The following PCDH15 variants were observed in gnomAD, a reference collection of about 807,000 sequenced individuals.
The protein encoded by PCDH15 is protocadherin related 15, also known as protocadherin-15.
PCDH15 carries 129 observed loss-of-function variants against 178.5 expected under a neutral mutation model. That is an observed-to-expected ratio of 0.72 (90% CI 0.63 to 0.84). The LOEUF (loss-of-function observed/expected upper bound fraction) is 0.84. Among genes scored for constraint, PCDH15 ranks in the 40% least tolerant of loss-of-function variants. The pLI is 0.00. For synonymous variants in PCDH15, 800 were observed against 732.0 expected (o/e 1.09, Z -1.50); for missense variants, 2,230 against 2,099.9 (o/e 1.06, Z -1.21).
chr10:54,235,318 A>G, intron 9 of PCDH15, among the ~76,000 whole-genome samples: 1 of 152,238 alleles, frequency 6.6e-6, no homozygotes, highest in East Asian at 1.9e-4. Context: ...GGCTCCACAA[A>G]GTCAGTGATA....
intron 2 of PCDH15, among the ~76,000 whole-genome samples, chr10:54,645,464 A>G (rs1018152212): frequency 5.9e-5 from 9 of 152,146 alleles, no homozygotes; most frequent in Non-Finnish European, 1.2e-4. Flanking sequence ...GGAATTTAAG[A>G]AAATAGACAA....
At chr10:53,822,562 A>G (rs1272852116) in intron 32 of PCDH15, 1 of 1,613,970 alleles carries the variant, frequency 6.2e-7, no homozygotes, top group African/African-American at 1.3e-5. Context: ...TCAATAGGTA[A>G]CATACAAATA....
chr10:54,375,533 T>C (rs1057262858), intron 4 of PCDH15, among the ~76,000 whole-genome samples: 2 of 151,988 alleles, frequency 1.3e-5, no homozygotes, highest in Admixed American at 1.3e-4. Flanking sequence ...TTTGAAGGCA[T>C]TGTTGTGTCT....
chr10:55,492,247 A>G (rs902294295), intron 2 of PCDH15, among the ~76,000 whole-genome samples: 2 of 151,712 alleles, frequency 1.3e-5, no homozygotes, highest in Non-Finnish European at 2.9e-5. Context: ...AAAAAAAATT[A>G]TCTCTCAGAG....
At chr10:54,730,925 C>A (rs1192089021) in intron 1 of PCDH15, among the ~76,000 whole-genome samples, 1 of 151,096 alleles carries the variant, frequency 6.6e-6, no homozygotes, top group Non-Finnish European at 1.5e-5. Context: ...TTACATTAGG[C>A]TAAAAACCTT....
chr10:54,310,878 G>A (rs774997286), intron 8 of PCDH15, among the ~76,000 whole-genome samples: 5 of 151,838 alleles, frequency 3.3e-5, no homozygotes, highest in Admixed American at 2.6e-4. Flanking sequence ...GCCACCAAGG[G>A]AATGAGAAAA....
intron 10 of PCDH15, among the ~76,000 whole-genome samples, chr10:54,206,783 T>C (rs907382053): frequency 6.6e-5 from 10 of 152,120 alleles, no homozygotes; most frequent in Non-Finnish European, 1.2e-4. Flanking sequence ...TTTTTCAATA[T>C]GCTCTTTCAT....
chr10:54,469,837 G>A (rs950059242), intron 3 of PCDH15, among the ~76,000 whole-genome samples: 1 of 152,156 alleles, frequency 6.6e-6, no homozygotes, highest in Admixed American at 6.5e-5. Context: ...GGTGTTGGTG[G>A]TGGCTGTGAC....
intron 21 of PCDH15, among the ~76,000 whole-genome samples, chr10:53,990,910 C>T (rs1053051547): frequency 5.9e-5 from 9 of 152,002 alleles, no homozygotes; most frequent in East Asian, 1.9e-4. Context: ...TCCGAGCGGC[C>T]GTCTGGCGCC....
Position 54,767,388 on chromosome 10 carries a change from AT to A in PCDH15, c.-29+33536del, listed in dbSNP as rs528921856. ...TCCATGCTAATAAGTGTTTAGATCAATTAATAAATGAGGGAGTAGAGGAAAA... is the reference window on the plus strand; with the variant it reads ...TCCATGCTAATAAGTGTTTAGATCAATAATAAATGAGGGAGTAGAGGAAAA... On this transcript the variant is annotated intron_variant, in intron 1 of 37. Coordinates refer to ENST00000644397, the MANE Select transcript of PCDH15 (RefSeq NM_001384140.1). 1.6e-3 allele frequency among the ~76,000 whole-genome samples: 249 copies of A among 152,290 alleles called. 1 individual carries two copies. In the Middle Eastern group the frequency reaches 0.02, roughly 12 times the overall value.
intron 3 of PCDH15, among the ~76,000 whole-genome samples, chr10:54,838,439 C>T (rs1953359398): frequency 6.6e-6 from 1 of 152,128 alleles, no homozygotes; most frequent in African/African-American, 2.4e-5. Context: ...TCTCCTTCAT[C>T]TTCTGCCATG....
intron 3 of PCDH15, among the ~76,000 whole-genome samples, chr10:54,380,705 C>CATATATATAT (rs58171476): frequency 8.6e-4 from 42 of 48,990 alleles, no homozygotes; most frequent in South Asian, 1.7e-3. Context: ...ATATATGCTC[C>CATATATATAT]ATATATATAT....
chr10:54,493,761 A>G (rs1020093759), intron 3 of PCDH15, among the ~76,000 whole-genome samples: 31 of 152,202 alleles, frequency 2.0e-4, no homozygotes, highest in African/African-American at 7.2e-4. Context: ...ACTAGAAATC[A>G]TGCTGCTACA....
At chr10:54,864,335 C>G (rs569913403) in intron 3 of PCDH15, among the ~76,000 whole-genome samples, 1 of 152,064 alleles carries the variant, frequency 6.6e-6, no homozygotes, top group South Asian at 2.1e-4. Flanking sequence ...TGGTTGACCT[C>G]TTTTTTCATT....
At chr10:55,058,849 C>T (rs912981824) in intron 2 of PCDH15, among the ~76,000 whole-genome samples, 1 of 152,054 alleles carries the variant, frequency 6.6e-6, no homozygotes, top group Non-Finnish European at 1.5e-5. Flanking sequence ...TTCACAAAAC[C>T]CTGTCTTTCA....
intron 2 of PCDH15, among the ~76,000 whole-genome samples, chr10:55,362,505 T>C (rs972649925): frequency 2.6e-5 from 4 of 152,110 alleles, no homozygotes; most frequent in African/African-American, 9.7e-5. Context: ...AAAATGACAC[T>C]GTAGTTGATT....
chr10:55,463,945 GAA>G (rs1294038145), intron 2 of PCDH15, among the ~76,000 whole-genome samples: 385 of 21,430 alleles, frequency 0.018, 54 homozygotes, highest in African/African-American at 0.12. Context: ...AAGAAAGAAA[GAA>G]AGAAAGAAAG....
chr10:54,514,380 A>T (rs1231361367), intron 3 of PCDH15, among the ~76,000 whole-genome samples: 2 of 152,094 alleles, frequency 1.3e-5, no homozygotes, highest in African/African-American at 4.8e-5. Context: ...TTTTAATCAG[A>T]TAAATATATA....
At chr10:54,839,838 T>A (rs1953386113) in intron 3 of PCDH15, among the ~76,000 whole-genome samples, 1 of 151,756 alleles carries the variant, frequency 6.6e-6, no homozygotes, top group Admixed American at 6.6e-5. Flanking sequence ...GCCTTGCAGG[T>A]CATGAAAGAG....
Sources: allele counts gnomAD v4.1 joint callset (sites outside exome capture counted in the v4.1 genomes callset), GRCh38; gene constraint gnomAD v4.1.1; transcripts MANE v1.5; gene names NCBI Gene and HGNC (gene_info 2026-07-23, HGNC 2026-07-21).